ARK2C: variants seen among roughly 807,000 people sequenced by gnomAD.
ARK2C encodes the protein arkadia (RNF111) C-terminal like ring finger ubiquitin ligase 2C, also known as E3 ubiquitin-protein ligase ARK2C.
the ARK2C span, among the ~76,000 whole-genome samples, chr18:46,345,277 T>C: frequency 2.6e-5 from 4 of 152,142 alleles, no homozygotes; most frequent in African/African-American, 2.4e-5. Flanking sequence ...AGAGGTCATC[T>C]GGGGTGAGGG....
At chr18:46,405,499 G>A in the ARK2C span, among the ~76,000 whole-genome samples, 1 of 152,224 alleles carries the variant, frequency 6.6e-6, no homozygotes, top group Non-Finnish European at 1.5e-5. Flanking sequence ...GGAGTGGTGG[G>A]TGGGAGTGGC....
chr18:46,392,292 A>T, the ARK2C span, among the ~76,000 whole-genome samples: 1,600 of 152,278 alleles, frequency 0.011, 28 homozygotes, highest in African/African-American at 0.036. Flanking sequence ...AGACACCTGG[A>T]TGCCCCCCGC....
chr18:46,347,857 A>G, the ARK2C span, among the ~76,000 whole-genome samples: 1,638 of 152,242 alleles, frequency 0.011, 27 homozygotes, highest in African/African-American at 0.038. Flanking sequence ...TGAGGCTCAG[A>G]TTTGATCATG....
At chr18:46,409,959 G>A in the ARK2C span, among the ~76,000 whole-genome samples, 2 of 152,210 alleles carry the variant, frequency 1.3e-5, no homozygotes, top group Non-Finnish European at 2.9e-5. Context: ...AAGATGCCAA[G>A]TGGAATTGCA....
the ARK2C span, among the ~76,000 whole-genome samples, chr18:46,408,926 T>A: frequency 6.6e-6 from 1 of 152,194 alleles, no homozygotes. Context: ...CAAGTCTCAG[T>A]TCCCTGTTCA....
the ARK2C span, among the ~76,000 whole-genome samples, chr18:46,361,114 C>A: frequency 3.9e-5 from 6 of 152,168 alleles, no homozygotes; most frequent in African/African-American, 1.4e-4. Context: ...TTTCCTGATG[C>A]CCAGTGTAAA....
At chr18:46,445,321 A>G in the ARK2C span, among the ~76,000 whole-genome samples, 2 of 152,146 alleles carry the variant, frequency 1.3e-5, no homozygotes, top group African/African-American at 4.8e-5. Context: ...AGACTCATAA[A>G]TAAGTCTCAA....
chr18:46,380,785 AG>A, the ARK2C span, among the ~76,000 whole-genome samples: 1 of 152,172 alleles, frequency 6.6e-6, no homozygotes, highest in African/African-American at 2.4e-5. Context: ...GGGGTTGCAA[AG>A]CTAGTGCTCC....
the ARK2C span, among the ~76,000 whole-genome samples, chr18:46,349,886 T>G: frequency 2.0e-5 from 3 of 152,200 alleles, no homozygotes; most frequent in Admixed American, 6.5e-5. Flanking sequence ...TGCCCATCCC[T>G]CTATGGGCCC....
At chr18:46,414,091 T>C in the ARK2C span, among the ~76,000 whole-genome samples, 6 of 152,180 alleles carry the variant, frequency 3.9e-5, no homozygotes, top group Non-Finnish European at 8.8e-5. Context: ...CTCATCTGAA[T>C]CCACGGCCTT....
the ARK2C span, among the ~76,000 whole-genome samples, chr18:46,406,615 C>T: frequency 2.6e-5 from 4 of 152,178 alleles, no homozygotes; most frequent in Non-Finnish European, 5.9e-5. Flanking sequence ...AGGCTGGGGC[C>T]CCAGGCTGAC....
the ARK2C span, among the ~76,000 whole-genome samples, chr18:46,439,864 C>T: frequency 6.6e-6 from 1 of 152,254 alleles, no homozygotes; most frequent in East Asian, 1.9e-4. Context: ...CGGAGTCTCG[C>T]TCTGTCGCCA....
chr18:46,421,248 G>T, the ARK2C span, among the ~76,000 whole-genome samples: 1 of 152,284 alleles, frequency 6.6e-6, no homozygotes, highest in East Asian at 1.9e-4. Flanking sequence ...CTTTAGTTTT[G>T]TTTCTCCCTC....
the ARK2C span, among the ~76,000 whole-genome samples, chr18:46,404,787 T>TACACACAC: frequency 2.7e-5 from 4 of 149,936 alleles, 1 homozygote; most frequent in South Asian, 8.5e-4. Flanking sequence ...CACACACACA[T>TACACACAC]ACACACACAC....
the ARK2C span, among the ~76,000 whole-genome samples, chr18:46,339,663 GTTC>G: frequency 6.6e-6 from 1 of 152,232 alleles, no homozygotes; most frequent in South Asian, 2.1e-4. Context: ...ATGGAACACA[GTTC>G]TTCTTTCTGA....
the ARK2C span, chr18:46,450,365 A>G: frequency 3.0e-5 from 48 of 1,613,924 alleles, no homozygotes; most frequent in Admixed American, 1.0e-4. Flanking sequence ...ACTAAATCCC[A>G]GCAGACACAC....
At chr18:46,378,733 T>C in the ARK2C span, among the ~76,000 whole-genome samples, 1 of 152,146 alleles carries the variant, frequency 6.6e-6, no homozygotes, top group African/African-American at 2.4e-5. Context: ...CCACCATGTC[T>C]AGGGCAGAGG....
At chr18:46,430,726 C>T in the ARK2C span, among the ~76,000 whole-genome samples, 3 of 152,146 alleles carry the variant, frequency 2.0e-5, no homozygotes, top group African/African-American at 4.8e-5. Flanking sequence ...CATTTCACCT[C>T]GTACATTTCT....
chr18:46,340,712 C>A, the ARK2C span, among the ~76,000 whole-genome samples: 1 of 152,214 alleles, frequency 6.6e-6, no homozygotes, highest in African/African-American at 2.4e-5. Context: ...TGATGACTGC[C>A]ATGAAACCTA....
Sources: allele counts gnomAD v4.1 joint callset (sites outside exome capture counted in the v4.1 genomes callset), GRCh38; gene constraint gnomAD v4.1.1; transcripts MANE v1.5; gene names NCBI Gene and HGNC (gene_info 2026-07-23, HGNC 2026-07-21).